The following ZNF616 variants were observed in gnomAD, a reference collection of about 807,000 sequenced individuals.
ZNF616 encodes the protein zinc finger protein 616.
A neutral mutation model predicts 7.6 loss-of-function variants in ZNF616; 5 were observed. The ratio of observed to expected loss-of-function variants is 0.66; its 90% CI spans 0.34 to 1.38. The LOEUF (loss-of-function observed/expected upper bound fraction) is 1.38, where lower values mean the gene tolerates loss of function less well. ZNF616 is among the 40% of genes most tolerant of loss of function. The pLI, the probability that ZNF616 is intolerant of heterozygous loss-of-function variation, is 0.04. For synonymous variants in ZNF616, 319 were observed against 317.2 expected (o/e 1.01, Z -0.06); for missense variants, 913 against 948.3 (o/e 0.96, Z 0.49).
Position 52,114,328 on chromosome 19 carries a change from A to G in ZNF616, c.*490T>C, listed in dbSNP as rs1378584869. The G allele has an allele frequency of 6.5e-6, 1 of 153,524 alleles. No homozygotes were observed. The highest frequency in any genetic ancestry group is 6.5e-5 in the Admixed American group (1 of 15,418). 9.5% of individuals were successfully genotyped at this position (153,524 alleles called of 1,614,324 possible). A position where few individuals can be genotyped will look rare whatever the true frequency, so the allele number is the denominator to read the frequency against. ...AGTAGTGAATACTAGCTTAAAACTT[A>G]GGTATATTTACTGCATGTGTAAATG... On this transcript the variant is annotated 3_prime_UTR_variant, in exon 4 of 4. Coordinates refer to ENST00000600228, the MANE Select transcript of ZNF616 (RefSeq NM_178523.5).
At chr19:52,127,943 C>T (rs1359007910) in intron 2 of ZNF616, among the ~76,000 whole-genome samples, 1 of 152,142 alleles carries the variant, frequency 6.6e-6, no homozygotes, top group Non-Finnish European at 1.5e-5. Context: ...ATCTTGACAC[C>T]TCTCACTGAC....
intron 2 of ZNF616, among the ~76,000 whole-genome samples, chr19:52,129,480 T>C (rs2088938933): frequency 6.6e-6 from 1 of 152,082 alleles, no homozygotes; most frequent in Non-Finnish European, 1.5e-5. Flanking sequence ...TGATAACAAA[T>C]GTTCAGCTCT....
At chr19:52,119,138 T>C (rs2088847521) in intron 3 of ZNF616, among the ~76,000 whole-genome samples, 1 of 152,072 alleles carries the variant, frequency 6.6e-6, no homozygotes, top group Non-Finnish European at 1.5e-5. Context: ...CAGAAAGTGA[T>C]CAGGCCAAGG....
In ZNF616 at chr19:52,120,837, G is replaced by A. The variant is rs73571282; in HGVS notation, c.139+3086C>T. ...TGAAGCAAGAGAAACATAACTAAAG[G>A]GAGAAAAGTTCCACAGTAATAATAA... On this transcript the variant is annotated intron_variant, in intron 3 of 3. Transcript: ENST00000600228. Among the ~76,000 whole-genome samples the A allele has an allele frequency of 8.7e-3, 1,326 of 152,134 alleles. 20 individuals are homozygous for A. The highest frequency in any genetic ancestry group is 0.03 in the African/African-American group (1,262 of 41,492).
At chr19:52,117,821 A>G (rs911684122) in intron 3 of ZNF616, among the ~76,000 whole-genome samples, 1 of 152,208 alleles carries the variant, frequency 6.6e-6, no homozygotes, top group Non-Finnish European at 1.5e-5. Flanking sequence ...AGATCTGGTT[A>G]CTACTTGGAT....
In ZNF616 at chr19:52,116,534, C is replaced by A. The variant is rs1273635526; in HGVS notation, c.630G>T (p.Glu210Asp). The A allele has an allele frequency of 6.2e-6, 10 of 1,614,106 alleles. No homozygotes were observed. The highest frequency in any genetic ancestry group is 1.3e-5 in the African/African-American group (1 of 75,034). Residue 210 changes from glutamate to aspartate, a missense_variant, in exon 4 of 4, where the codon GAG (glutamate) becomes GAT (aspartate). Physicochemically the swap from Glu to Asp is conservative, Grantham distance 45. Coordinates refer to ENST00000600228, the MANE Select transcript of ZNF616 (RefSeq NM_178523.5). ...CACACTCATTGCATTTGTAAGGTTTCTCTGTAGTATGTATCCTCTGATGAT... is the reference window on the plus strand; with the variant it reads ...CACACTCATTGCATTTGTAAGGTTTATCTGTAGTATGTATCCTCTGATGAT... ...LINHQRIHTTEKPYKCNECGK... is the reference protein window; with the variant it reads ...LINHQRIHTTDKPYKCNECGK...
At chr19:52,131,047 T>TC (rs1404735398) in intron 1 of ZNF616, among the ~76,000 whole-genome samples, 6 of 152,096 alleles carry the variant, frequency 3.9e-5, no homozygotes, top group East Asian at 1.9e-4. Flanking sequence ...GGCGGGTGGA[T>TC]ACCTGAGGTC....
At chr19:52,121,567 T>C (rs369141207) in intron 3 of ZNF616, among the ~76,000 whole-genome samples, 21 of 152,124 alleles carry the variant, frequency 1.4e-4, no homozygotes, top group East Asian at 9.6e-4. Context: ...TCTGTTAAAA[T>C]AGAAGATCTC....
chr19:52,128,895 T>C (rs1324670792), intron 2 of ZNF616, among the ~76,000 whole-genome samples: 1 of 151,402 alleles, frequency 6.6e-6, no homozygotes, highest in East Asian at 1.9e-4. Flanking sequence ...ACACCCATCA[T>C]CTCACAGTTA....
intron 3 of ZNF616, among the ~76,000 whole-genome samples, chr19:52,122,637 A>ATTT (rs531564625): frequency 2.1e-5 from 3 of 142,756 alleles, no homozygotes; most frequent in African/African-American, 2.6e-5. Flanking sequence ...TCCATTAACA[A>ATTT]TTTTTTTTTT....
At position 52,116,712 on chromosome 19, in the gene ZNF616, A is replaced by C. The variant is rs1346004535; in HGVS notation, c.452T>G (p.Leu151Arg). The change falls in exon 4 of 4, where the codon CTG becomes CGG. Residue 151 changes from leucine (L) to arginine (R), a missense_variant. By Grantham distance (102) the Leu-to-Arg change is moderately radical. Transcript: ENST00000600228. ...TCTCCCTTCAGTTTGAACTTTCTGCAGTTCAGCCAGACGTGACTCAAAGTT... is the reference window on the plus strand; with the variant it reads ...TCTCCCTTCAGTTTGAACTTTCTGCCGTTCAGCCAGACGTGACTCAAAGTT... ...TSNFESRLAE[L>R]QKVQTEGRLY... 2 of 1,614,178 alleles carry C rather than the reference A, an allele frequency of 1.2e-6. No homozygotes were observed. The highest frequency in any genetic ancestry group is 2.2e-5 in the South Asian group (2 of 91,086).
At position 52,115,078 on chromosome 19, in the gene ZNF616, T is replaced by C; in HGVS notation, c.2086A>G (p.Lys696Glu). ...KKPYKCDECGKVFRHSSHLVS... is the reference protein window; with the variant it reads ...KKPYKCDECGEVFRHSSHLVS... ...AGATGTGAACTATGCCTGAATACCT[T>C]GCCACATTCATCACATTTATATGGT... Residue 696 changes from lysine (K) to glutamate (E), a missense_variant, in exon 4 of 4, where the codon AAG (lysine) becomes GAG (glutamate). Coordinates refer to ENST00000600228, the MANE Select transcript of ZNF616 (RefSeq NM_178523.5). The C allele has an allele frequency of 6.2e-7, 1 of 1,614,210 alleles. No homozygotes were observed.
chr19:52,137,076 C>A (rs1262678405), intron 1 of ZNF616, among the ~76,000 whole-genome samples: 1 of 112,358 alleles, frequency 8.9e-6, no homozygotes, highest in African/African-American at 3.3e-5. Flanking sequence ...TATATATATA[C>A]AGAGTGTGTG....
intron 1 of ZNF616, among the ~76,000 whole-genome samples, chr19:52,136,477 G>A (rs1173795257): frequency 2.6e-5 from 4 of 151,888 alleles, no homozygotes; most frequent in Non-Finnish European, 5.9e-5. Flanking sequence ...TGACCAACAG[G>A]TATATGAAAA....
At chr19:52,127,244 A>C (rs1238335829) in intron 2 of ZNF616, among the ~76,000 whole-genome samples, 1 of 152,140 alleles carries the variant, frequency 6.6e-6, no homozygotes, top group Non-Finnish European at 1.5e-5. Context: ...CAGTAGAGAC[A>C]GGGTTTCACC....
chr19:52,121,481 T>C (rs1445821153), intron 3 of ZNF616, among the ~76,000 whole-genome samples: 2 of 151,272 alleles, frequency 1.3e-5, no homozygotes. Context: ...CAAAGGAAAA[T>C]GAAAATAGAA....
chr19:52,133,793 G>C (rs1398404716), intron 1 of ZNF616, among the ~76,000 whole-genome samples: 4 of 152,062 alleles, frequency 2.6e-5, no homozygotes, highest in African/African-American at 9.7e-5. Flanking sequence ...GATTACAGGT[G>C]TGAGCCACCA....
intron 1 of ZNF616, among the ~76,000 whole-genome samples, chr19:52,130,991 G>A (rs1237738597): frequency 6.6e-6 from 1 of 152,210 alleles, no homozygotes; most frequent in Non-Finnish European, 1.5e-5. Context: ...ACTTGGGGCT[G>A]GGAGCGGTGG....
chr19:52,134,078 G>A (rs554110930), intron 1 of ZNF616, among the ~76,000 whole-genome samples: 161 of 152,208 alleles, frequency 1.1e-3, no homozygotes, highest in African/African-American at 3.7e-3. Flanking sequence ...TGGAAAGGCC[G>A]TTGTTTTGTA....
Sources: gnomAD v4.1 joint callset for allele counts (sites outside exome capture counted in the v4.1 genomes callset) on GRCh38, gnomAD v4.1.1 for gene constraint, MANE v1.5 for transcripts, NCBI Gene and HGNC (gene_info 2026-07-23, HGNC 2026-07-21) for gene names.